Variants in CIMIP1 observed in about 807,000 individuals in gnomAD.
The protein encoded by CIMIP1 is ciliary microtubule inner protein 1.
At chr20:58,152,523 G>A in the CIMIP1 span, among the ~76,000 whole-genome samples, 1 of 151,870 alleles carries the variant, frequency 6.6e-6, no homozygotes, top group African/African-American at 2.4e-5. Context: ...AGGAGTTGAA[G>A]ACCAGCCTGG....
the CIMIP1 span, among the ~76,000 whole-genome samples, chr20:58,156,492 GGAAAAGTGGGCAGGCTAGAA>G: frequency 2.0e-5 from 3 of 152,028 alleles, no homozygotes; most frequent in Non-Finnish European, 4.4e-5. Flanking sequence ...GGATGTGAGT[GGAAAAGTGGGCAGGCTAGAA>G]GAAGGAGTTG....
At chr20:58,161,003 TC>T in the CIMIP1 span, 1 of 567,384 alleles carries the variant, frequency 1.8e-6, no homozygotes, top group Non-Finnish European at 2.9e-6. Context: ...GCGTCACCCT[TC>T]CAGAATGTTC....
the CIMIP1 span, among the ~76,000 whole-genome samples, chr20:58,156,868 G>A: frequency 1.7e-3 from 261 of 152,074 alleles, 2 homozygotes; most frequent in Non-Finnish European, 2.4e-3. Flanking sequence ...GATGAAGGCC[G>A]CAGGGCAGGA....
At chr20:58,158,042 T>C in the CIMIP1 span, among the ~76,000 whole-genome samples, 2 of 152,194 alleles carry the variant, frequency 1.3e-5, no homozygotes, top group Non-Finnish European at 2.9e-5. Flanking sequence ...GGACTTTCCC[T>C]CTGCCACCAG....
At chr20:58,152,118 A>T in the CIMIP1 span, among the ~76,000 whole-genome samples, 17 of 152,218 alleles carry the variant, frequency 1.1e-4, no homozygotes, top group African/African-American at 4.1e-4. Flanking sequence ...TTTATGGAAA[A>T]CTTCATATCA....
chr20:58,151,885 T>C, the CIMIP1 span, among the ~76,000 whole-genome samples: 2 of 152,236 alleles, frequency 1.3e-5, no homozygotes, highest in Non-Finnish European at 2.9e-5. Flanking sequence ...GATATTTTAA[T>C]TGGCATGCTA....
the CIMIP1 span, among the ~76,000 whole-genome samples, chr20:58,151,283 T>C: frequency 1.3e-5 from 2 of 151,580 alleles, no homozygotes; most frequent in Admixed American, 6.6e-5. Flanking sequence ...ACGTGGGAGA[T>C]TGGCTTTCAA....
At chr20:58,151,458 G>C in the CIMIP1 span, among the ~76,000 whole-genome samples, 1 of 151,982 alleles carries the variant, frequency 6.6e-6, no homozygotes, top group African/African-American at 2.4e-5. Flanking sequence ...CTATCCTCCA[G>C]GCTGGAGTGC....
At chr20:58,155,538 G>A in the CIMIP1 span, 219 of 1,614,120 alleles carry the variant, frequency 1.4e-4, no homozygotes, top group African/African-American at 2.1e-3. Context: ...TTCCGCATCC[G>A]GCCGGTGACC....
chr20:58,153,746 A>G, the CIMIP1 span: 1 of 741,620 alleles, frequency 1.3e-6, no homozygotes, highest in South Asian at 1.8e-5. Flanking sequence ...AAAGATCACT[A>G]ACTCCTAAAC....
At chr20:58,160,068 G>C in the CIMIP1 span, among the ~76,000 whole-genome samples, 1 of 152,220 alleles carries the variant, frequency 6.6e-6, no homozygotes, top group African/African-American at 2.4e-5. Flanking sequence ...TTCAAAAGAA[G>C]GGGAAAACCT....
chr20:58,152,722 C>CAAAAA, the CIMIP1 span, among the ~76,000 whole-genome samples: 1 of 84,868 alleles, frequency 1.2e-5, no homozygotes, highest in African/African-American at 4.2e-5. Flanking sequence ...GAAACTCCAT[C>CAAAAA]AAAAAAAAAA....
At chr20:58,155,340 T>C in the CIMIP1 span, 1 of 687,610 alleles carries the variant, frequency 1.5e-6, no homozygotes, top group Middle Eastern at 2.6e-4. Context: ...AAATGCGCCT[T>C]CTAGGGGAAG....
the CIMIP1 span, chr20:58,155,697 C>A: frequency 1.4e-6 from 1 of 734,554 alleles, no homozygotes; most frequent in East Asian, 2.8e-5. Flanking sequence ...ACAGCAGTGC[C>A]AGGTGCAGAG....
the CIMIP1 span, chr20:58,160,881 T>C: frequency 2.6e-6 from 4 of 1,556,652 alleles, no homozygotes; most frequent in Non-Finnish European, 3.5e-6. Context: ...CCCAGGGCCA[T>C]GCCAGGGAAA....
At chr20:58,154,328 T>A in the CIMIP1 span, among the ~76,000 whole-genome samples, 1 of 152,308 alleles carries the variant, frequency 6.6e-6, no homozygotes, top group Admixed American at 6.5e-5. Context: ...AACTGCATAT[T>A]CCCATCACTC....
At chr20:58,151,002 G>A in the CIMIP1 span, 12 of 1,609,130 alleles carry the variant, frequency 7.5e-6, no homozygotes, top group African/African-American at 5.3e-5. Flanking sequence ...GCGGCTGAAC[G>A]CATGAACCTT....
the CIMIP1 span, among the ~76,000 whole-genome samples, chr20:58,152,175 T>G: frequency 6.6e-6 from 1 of 152,328 alleles, no homozygotes; most frequent in Non-Finnish European, 1.5e-5. Context: ...AATACACAAC[T>G]ATTTTTTACT....
chr20:58,153,296 G>C, the CIMIP1 span, among the ~76,000 whole-genome samples: 1 of 152,140 alleles, frequency 6.6e-6, no homozygotes, highest in Non-Finnish European at 1.5e-5. Flanking sequence ...TCGGCCCCCA[G>C]ACTGGCCCTT....
Sources: gnomAD v4.1 joint callset for allele counts (sites outside exome capture counted in the v4.1 genomes callset) on GRCh38, gnomAD v4.1.1 for gene constraint, MANE v1.5 for transcripts, NCBI Gene and HGNC (gene_info 2026-07-23, HGNC 2026-07-21) for gene names.